The following GRM3 variants were observed in gnomAD, a reference collection of about 807,000 sequenced individuals.
GRM3 encodes the protein metabotropic glutamate receptor 3.
GRM3 carries 26 observed loss-of-function variants against 70.5 expected under a neutral mutation model. The ratio of observed to expected loss-of-function variants is 0.37; its 90% CI spans 0.27 to 0.51. The LOEUF is 0.51. Among genes scored for constraint, GRM3 ranks in the 20% least tolerant of loss-of-function variants. The pLI, the probability that GRM3 is intolerant of heterozygous loss-of-function variation, is 0.93. For synonymous variants in GRM3, 443 were observed against 434.9 expected (o/e 1.02, Z -0.23); for missense variants, 859 against 1,123.8 (o/e 0.76, Z 3.37).
At chr7:86,650,607 T>C (rs966619569) in intron 1 of GRM3, among the ~76,000 whole-genome samples, 1 of 152,134 alleles carries the variant, frequency 6.6e-6, no homozygotes, top group African/African-American at 2.4e-5. Flanking sequence ...GGACTAAGGA[T>C]GAAATTCTAA....
chr7:86,823,139 C>T (rs759924685), intron 3 of GRM3, among the ~76,000 whole-genome samples: 8 of 152,090 alleles, frequency 5.3e-5, no homozygotes, highest in Non-Finnish European at 1.2e-4. Context: ...ATCACAATAG[C>T]CCATAGAAAT....
chr7:86,785,730 A>T (rs1797220752), intron 2 of GRM3, among the ~76,000 whole-genome samples: 1 of 105,700 alleles, frequency 9.5e-6, no homozygotes, highest in Admixed American at 1.4e-4. Context: ...CTTAACCTAG[A>T]TGATAAATGT....
In GRM3 at chr7:86,846,502, TC is replaced by T. The variant is rs1469124212; in HGVS notation, c.2392-3867del. 4.6e-5 allele frequency among the ~76,000 whole-genome samples: 7 copies of T among 152,300 alleles called. No homozygotes were observed. The East Asian group carries it at 1.4e-3, about 29-fold the overall frequency. ...TTTTGTGTAAAAGAGAGTGGAATTTTCTGCCTACCCAGGACAAATGTTAGTA... is the reference window on the plus strand; with the variant it reads ...TTTTGTGTAAAAGAGAGTGGAATTTTTGCCTACCCAGGACAAATGTTAGTA... On this transcript the variant is annotated intron_variant, in intron 4 of 5. Coordinates refer to ENST00000361669, the MANE Select transcript of GRM3 (RefSeq NM_000840.3).
chr7:86,843,701 G>A (rs1469295108), intron 4 of GRM3, among the ~76,000 whole-genome samples: 12 of 152,166 alleles, frequency 7.9e-5, no homozygotes, highest in East Asian at 7.7e-4. Context: ...ACTTATTATA[G>A]GCCTTGGAGA....
intron 3 of GRM3, among the ~76,000 whole-genome samples, chr7:86,826,977 G>C (rs1798247819): frequency 6.6e-6 from 1 of 152,194 alleles, no homozygotes; most frequent in Non-Finnish European, 1.5e-5. Context: ...ATTCTAATAA[G>C]TCTAATTGTT....
intron 3 of GRM3, among the ~76,000 whole-genome samples, chr7:86,814,465 G>A (rs1797976859): frequency 1.3e-5 from 2 of 151,704 alleles, no homozygotes; most frequent in Admixed American, 1.3e-4. Flanking sequence ...ATATCAATGA[G>A]AACTAAAAAC....
intron 3 of GRM3, among the ~76,000 whole-genome samples, chr7:86,816,745 C>T (rs1324671220): frequency 5.3e-5 from 8 of 151,812 alleles, no homozygotes; most frequent in Admixed American, 2.6e-4. Context: ...AATAGTGCTG[C>T]GATGAACATA....
chr7:86,677,784 G>T (rs550719007), intron 1 of GRM3, among the ~76,000 whole-genome samples: 78 of 151,914 alleles, frequency 5.1e-4, no homozygotes, highest in African/African-American at 1.8e-3. Flanking sequence ...GGAGAAAATG[G>T]CCCGCAAAGA....
At chr7:86,689,500 G>A (rs962576064) in intron 1 of GRM3, among the ~76,000 whole-genome samples, 2 of 152,044 alleles carry the variant, frequency 1.3e-5, no homozygotes, top group Admixed American at 1.3e-4. Flanking sequence ...TTATTCTCAA[G>A]AAAGTGTTTC....
intron 1 of GRM3, among the ~76,000 whole-genome samples, chr7:86,706,276 T>G (rs1795055563): frequency 1.3e-5 from 2 of 152,156 alleles, no homozygotes; most frequent in South Asian, 4.2e-4. Flanking sequence ...GCCCATCCTT[T>G]TTCACAATTT....
intron 3 of GRM3, among the ~76,000 whole-genome samples, chr7:86,789,074 T>C (rs979380298): frequency 9.9e-5 from 15 of 152,232 alleles, no homozygotes; most frequent in African/African-American, 3.4e-4. Context: ...TCTTTTTGTC[T>C]GTCTTGTTCA....
chr7:86,818,236 G>C (rs769505929), intron 3 of GRM3, among the ~76,000 whole-genome samples: 1 of 151,988 alleles, frequency 6.6e-6, no homozygotes, highest in Non-Finnish European at 1.5e-5. Context: ...GCTATATATT[G>C]ATGATAAATA....
chr7:86,738,193 C>T (rs1287225087), intron 1 of GRM3, among the ~76,000 whole-genome samples: 1 of 152,122 alleles, frequency 6.6e-6, no homozygotes, highest in African/African-American at 2.4e-5. Flanking sequence ...TAATATAGGC[C>T]GTGTATCCAC....
chr7:86,786,444 T>A lies in GRM3; in HGVS notation c.652T>A (p.Ser218Thr), dbSNP rs1318001021. ...CTGGACCTACGTGTCCACAGTAGCC[T>A]CCGAGGGTGATTACGGGGAGACAGG... ...FNWTYVSTVA[S>T]EGDYGETGIE... Residue 218 changes from serine (S) to threonine (T), a missense_variant, in exon 3 of 6, where the codon TCC becomes ACC. Coordinates refer to ENST00000361669, the MANE Select transcript of GRM3 (RefSeq NM_000840.3). This position sits in a 1 kb window ranked among gnomAD's most constrained non-coding sequence, Gnocchi z 6.0. 6.2e-7 allele frequency: 1 copy of A among 1,614,070 alleles called. No individual in the cohort carries two copies. Among genetic ancestry groups the A allele is most frequent in the Admixed American group, 1.7e-5 (1 of 60,002 alleles).
chr7:86,644,722 T>C lies in GRM3; in HGVS notation c.-291T>C. 4 of 1,129,410 alleles carry C rather than the reference T, an allele frequency of 3.5e-6. No individual in the cohort carries two copies. The highest frequency in any genetic ancestry group is 4.7e-6 in the Non-Finnish European group (4 of 842,178). 70.0% of individuals were successfully genotyped at this position (1,129,410 alleles called of 1,614,324 possible). ...GCCATTTCGAGGGCAAAATAAGTTC[T>C]CCCTTGGATTTGGAAAGGACAAAGC... is the stretch of plus-strand genomic sequence containing the variant. On this transcript the variant is annotated 5_prime_UTR_variant, in exon 1 of 6. Transcript: ENST00000361669.
At chr7:86,794,718 T>A (rs78927009) in intron 3 of GRM3, among the ~76,000 whole-genome samples, 1,932 of 152,254 alleles carry the variant, frequency 0.013, 36 homozygotes, top group African/African-American at 0.043. Flanking sequence ...CCTGAACCCC[T>A]AGCATGGTTC....
intron 4 of GRM3, among the ~76,000 whole-genome samples, chr7:86,846,150 T>C (rs954387209): frequency 6.6e-6 from 1 of 152,134 alleles, no homozygotes; most frequent in African/African-American, 2.4e-5. Context: ...TGTAAACCAA[T>C]CCAGGTGAGT....
At chr7:86,749,709 A>C (rs1188376243) in intron 1 of GRM3, among the ~76,000 whole-genome samples, 1 of 152,106 alleles carries the variant, frequency 6.6e-6, no homozygotes, top group Non-Finnish European at 1.5e-5. Context: ...TAATGTAGGA[A>C]TTTAAGTTAA....
At chr7:86,692,428 T>C (rs1794716978) in intron 1 of GRM3, among the ~76,000 whole-genome samples, 1 of 152,226 alleles carries the variant, frequency 6.6e-6, no homozygotes, top group African/African-American at 2.4e-5. Flanking sequence ...TTCAAGGTTC[T>C]CCTTCAGACC....
Sources: gnomAD v4.1 joint callset for allele counts (sites outside exome capture counted in the v4.1 genomes callset) on GRCh38, gnomAD v4.1.1 for gene constraint, Gnocchi (gnomAD v3.1) non-coding constraint, MANE v1.5 for transcripts, NCBI Gene and HGNC (gene_info 2026-07-23, HGNC 2026-07-21) for gene names.